PCDH11X: variants seen among roughly 807,000 people sequenced by gnomAD.
The protein encoded by PCDH11X is protocadherin-11 X-linked.
Under a neutral mutation model 53.3 loss-of-function variants are expected in PCDH11X, and 18 were observed. That is an observed-to-expected ratio of 0.34 (90% CI 0.23 to 0.50). The LOEUF is 0.50. Ranked by LOEUF, PCDH11X falls within the 20% of genes least tolerant of loss-of-function variation. The pLI, the probability that PCDH11X is intolerant of heterozygous loss-of-function variation, is 0.98. For synonymous variants in PCDH11X, 279 were observed against 393.3 expected (o/e 0.71, Z 3.44); for missense variants, 570 against 1,032.4 (o/e 0.55, Z 6.14).
intron 1 of PCDH11X, among the ~76,000 whole-genome samples, chrX:91,781,331 G>A (rs1388558246): frequency 9.1e-6 from 1 of 110,171 alleles, no homozygotes; most frequent in African/African-American, 3.3e-5. Context: ...CAGCAAAGAT[G>A]GGGAGGAGGC....
chrX:92,089,517 A>AT (rs974727028), intron 6 of PCDH11X, among the ~76,000 whole-genome samples: 1 of 111,301 alleles, frequency 9.0e-6, no homozygotes, highest in African/African-American at 3.3e-5. Context: ...TAAGTAAATT[A>AT]TTTTTTATTT....
chrX:92,114,958 G>A (rs1488260236), intron 6 of PCDH11X, among the ~76,000 whole-genome samples: 1 of 110,250 alleles, frequency 9.1e-6, no homozygotes, highest in African/African-American at 3.3e-5. Context: ...CAGCCTCCCC[G>A]AGTAGCTGGG....
At chrX:92,029,224 G>A (rs776758730) in intron 6 of PCDH11X, among the ~76,000 whole-genome samples, 1 of 111,588 alleles carries the variant, frequency 9.0e-6, no homozygotes, top group African/African-American at 3.3e-5. Flanking sequence ...CAAGTTGACT[G>A]ATGGCAAAGT....
intron 8 of PCDH11X, among the ~76,000 whole-genome samples, chrX:92,269,085 G>A (rs1002679847): frequency 1.8e-5 from 2 of 111,998 alleles, no homozygotes; most frequent in Non-Finnish European, 3.8e-5. Context: ...AAGTTCACCA[G>A]TTTATTAACT....
chrX:92,240,156 T>C (rs768324288), intron 7 of PCDH11X, among the ~76,000 whole-genome samples: 10 of 111,727 alleles, frequency 9.0e-5, no homozygotes, highest in African/African-American at 3.2e-4. Flanking sequence ...ACTGTGGTCC[T>C]CTGGGATCAG....
At chrX:92,217,515 T>G (rs1197561340) in intron 7 of PCDH11X, among the ~76,000 whole-genome samples, 1 of 98,737 alleles carries the variant, frequency 1.0e-5, no homozygotes, top group Non-Finnish European at 2.1e-5. Context: ...ATCCTAAATA[T>G]GTATGCACCC....
intron 6 of PCDH11X, among the ~76,000 whole-genome samples, chrX:91,994,214 CTT>C (rs1371720953): frequency 9.9e-6 from 1 of 100,656 alleles, no homozygotes; most frequent in African/African-American, 3.7e-5. Flanking sequence ...GGTGAGAACA[CTT>C]GAGATCTGCC....
At chrX:91,824,662 T>A (rs1457997836) in intron 4 of PCDH11X, among the ~76,000 whole-genome samples, 1 of 103,943 alleles carries the variant, frequency 9.6e-6, no homozygotes, top group African/African-American at 4.2e-5. Context: ...TCTGAAGCCA[T>A]CTTCTCTCAG....
At chrX:92,410,953 T>G (rs2071632353) in intron 9 of PCDH11X, among the ~76,000 whole-genome samples, 2 of 109,871 alleles carry the variant, frequency 1.8e-5, no homozygotes, top group African/African-American at 6.7e-5. Flanking sequence ...AGAAGCAAAA[T>G]ATATTCATGT....
intron 6 of PCDH11X, among the ~76,000 whole-genome samples, chrX:91,989,225 G>T (rs1384290026): frequency 9.1e-6 from 1 of 109,388 alleles, no homozygotes; most frequent in Non-Finnish European, 1.9e-5. Context: ...ACTGTCATTG[G>T]ATTCCCAACA....
intron 8 of PCDH11X, among the ~76,000 whole-genome samples, chrX:92,311,162 A>T (rs1430843299): frequency 9.1e-6 from 1 of 110,484 alleles, no homozygotes; most frequent in Admixed American, 9.8e-5. Context: ...TCGATGATTT[A>T]TAAAGTAGGA....
chrX:92,306,892 G>A lies in PCDH11X; in HGVS notation c.3144+43749G>A, dbSNP rs1185268348. Among the ~76,000 whole-genome samples the A allele has an allele frequency of 2.8e-4, 31 of 111,309 alleles. 1 individual carries two copies. The Admixed American group carries it at 3.0e-3, about 11-fold the overall frequency. On this transcript the variant is annotated intron_variant, in intron 8 of 10. Transcript: ENST00000682573. ...TTAAACCTGGAAGGTGGAGGTTGCA[G>A]TGAGCCAAGATCGTGCCACTGCACT...
At chrX:92,299,669 A>G (rs2068681265) in intron 8 of PCDH11X, among the ~76,000 whole-genome samples, 1 of 110,501 alleles carries the variant, frequency 9.0e-6, no homozygotes, top group Non-Finnish European at 1.9e-5. Flanking sequence ...TCCTCTTTGA[A>G]ATTTCCGATT....
At chrX:92,448,797 G>A (rs1430658954) in intron 9 of PCDH11X, among the ~76,000 whole-genome samples, 1 of 111,076 alleles carries the variant, frequency 9.0e-6, no homozygotes, top group Non-Finnish European at 1.9e-5. Context: ...TGGCTAAGTA[G>A]TATATGTGGT....
chrX:91,822,297 CT>C (rs1466998115), intron 4 of PCDH11X, among the ~76,000 whole-genome samples: 4 of 106,101 alleles, frequency 3.8e-5, no homozygotes, highest in African/African-American at 1.4e-4. Context: ...GTGAATCCAT[CT>C]GGTCCTGGAC....
At chrX:91,807,176 C>CAAAAAA (rs1218341876) in intron 1 of PCDH11X, among the ~76,000 whole-genome samples, 5 of 32,246 alleles carry the variant, frequency 1.6e-4, no homozygotes, top group African/African-American at 2.3e-4. Context: ...CTCATCTCTA[C>CAAAAAA]AAAAAAAAAA....
At chrX:91,909,928 T>C (rs1281951949) in intron 6 of PCDH11X, among the ~76,000 whole-genome samples, 1 of 111,415 alleles carries the variant, frequency 9.0e-6, no homozygotes, top group Non-Finnish European at 1.9e-5. Flanking sequence ...TGTGTGAGAT[T>C]GAGATCGACT....
intron 6 of PCDH11X, among the ~76,000 whole-genome samples, chrX:92,179,002 C>A (rs908590274): frequency 9.0e-6 from 1 of 111,688 alleles, no homozygotes; most frequent in African/African-American, 3.2e-5. Context: ...CAGCTTTTCC[C>A]AGCATGCACG....
intron 6 of PCDH11X, among the ~76,000 whole-genome samples, chrX:91,941,288 C>A (rs749009001): frequency 1.4e-3 from 159 of 111,503 alleles, no homozygotes; most frequent in African/African-American, 4.8e-3. Flanking sequence ...AAATGCAGAT[C>A]ATCAGGTTTG....
Sources: allele counts gnomAD v4.1 joint callset (sites outside exome capture counted in the v4.1 genomes callset), GRCh38; gene constraint gnomAD v4.1.1; transcripts MANE v1.5; gene names NCBI Gene and HGNC (gene_info 2026-07-23, HGNC 2026-07-21).